Variants in NFIC observed in about 807,000 individuals in gnomAD.
NFIC encodes the protein nuclear factor 1 C-type.
Under a neutral mutation model 54.4 loss-of-function variants are expected in NFIC, and 12 were observed. That is an observed-to-expected ratio of 0.22 (90% CI 0.14 to 0.36). NFIC has a LOEUF of 0.36. NFIC is among the 10% of genes least tolerant of loss of function. The probability of loss-of-function intolerance (pLI) is 1.00; values close to 1 mark genes in which losing one functional copy is unlikely to be tolerated. For synonymous variants in NFIC, 322 were observed against 319.2 expected, an observed-to-expected ratio of 1.01 and a Z score of -0.09; for missense variants, 575 against 718.2, an observed-to-expected ratio of 0.80 and a Z score of 2.28.
In NFIC at chr19:3,452,432, C is replaced by G; in HGVS notation, c.1085-50C>G. The G allele has an allele frequency of 6.3e-7, 1 of 1,596,714 alleles. No homozygotes were observed. Among genetic ancestry groups the G allele is most frequent in the Non-Finnish European group, 8.5e-7 (1 of 1,173,142 alleles). ...GACACACAGTCACACGGTCACAGAG[C>G]AGACCGGCTGGAGCCCCCAAGTAAC... On this transcript the variant is annotated intron_variant, in intron 7 of 10. Transcript: ENST00000443272. This position sits in a 1 kb window ranked among gnomAD's most constrained non-coding sequence, Gnocchi z 5.3.
intron 3 of NFIC, among the ~76,000 whole-genome samples, chr19:3,426,386 G>A (rs961332557): frequency 4.6e-5 from 7 of 152,048 alleles, no homozygotes; most frequent in African/African-American, 1.4e-4. Flanking sequence ...GCCCTCATGG[G>A]GCGTCTAATA....
At chr19:3,432,922 G>C (rs748572217) in intron 3 of NFIC, among the ~76,000 whole-genome samples, 1 of 151,850 alleles carries the variant, frequency 6.6e-6, no homozygotes, top group African/African-American at 2.4e-5. Context: ...CTCCCGCCTC[G>C]GCCTCCCAAA....
intron 6 of NFIC, 88 bp from the exon 7 acceptor site, chr19:3,448,926 C>A: frequency 6.6e-7 from 1 of 1,513,626 alleles, no homozygotes; most frequent in Non-Finnish European, 8.9e-7. Flanking sequence ...ATGAGGCTTC[C>A]TATCCCTTCG....
At chr19:3,410,257 A>G (rs2081733401) in intron 2 of NFIC, among the ~76,000 whole-genome samples, 1 of 152,166 alleles carries the variant, frequency 6.6e-6, no homozygotes, top group African/African-American at 2.4e-5. Context: ...AGCTAGGAGA[A>G]CAACAATTTG....
At chr19:3,394,534 G>A (rs1296979547) in intron 2 of NFIC, among the ~76,000 whole-genome samples, 3 of 19,052 alleles carry the variant, frequency 1.6e-4, no homozygotes, top group Non-Finnish European at 2.1e-4. Context: ...CCCCCCACCC[G>A]CTTACACTAA....
chr19:3,404,740 G>A (rs1380812512), intron 2 of NFIC, among the ~76,000 whole-genome samples: 1 of 152,208 alleles, frequency 6.6e-6, no homozygotes, highest in Non-Finnish European at 1.5e-5. Context: ...CCAGAGGGAT[G>A]ATGTCATGGG....
chr19:3,444,243 T>C (rs2082337187), intron 6 of NFIC, among the ~76,000 whole-genome samples: 1 of 151,818 alleles, frequency 6.6e-6, no homozygotes, highest in Non-Finnish European at 1.5e-5. Flanking sequence ...GGGCCTTTTG[T>C]CAAATACAGA....
chr19:3,434,505 A>G, intron 5 of NFIC, 105 bp downstream of exon 5: 2 of 1,433,914 alleles, frequency 1.4e-6, no homozygotes, highest in Non-Finnish European at 1.8e-6. Flanking sequence ...ACCTCTTTTC[A>G]CGATTCACCT....
intron 3 of NFIC, among the ~76,000 whole-genome samples, chr19:3,428,505 G>A (rs983728729): frequency 2.0e-5 from 3 of 151,730 alleles, no homozygotes; most frequent in South Asian, 2.1e-4. Flanking sequence ...TGGGTGAGGC[G>A]TCCTTCTTGG....
chr19:3,425,749 C>T (rs1268934680), intron 3 of NFIC, among the ~76,000 whole-genome samples: 2 of 150,974 alleles, frequency 1.3e-5, no homozygotes. Flanking sequence ...CATGAGCCAC[C>T]GTGCCCGGCC....
chr19:3,380,061 C>T (rs1245054006), intron 1 of NFIC, among the ~76,000 whole-genome samples: 8 of 151,706 alleles, frequency 5.3e-5, no homozygotes, highest in African/African-American at 1.5e-4. Context: ...AGTGCAGTGG[C>T]GCAATCTCGG....
At chr19:3,405,620 A>T (rs1404849710) in intron 2 of NFIC, among the ~76,000 whole-genome samples, 1 of 151,800 alleles carries the variant, frequency 6.6e-6, no homozygotes, top group Non-Finnish European at 1.5e-5. Flanking sequence ...TATTTTTGAG[A>T]TGGAGTTTCA....
At position 3,369,262 on chromosome 19, in the gene NFIC, A is replaced by ATGTC. The variant is rs370058617; in HGVS notation, c.30+2606_30+2609dup. Among the ~76,000 whole-genome samples, 1 of 146,942 alleles carries ATGTC rather than the reference A, an allele frequency of 6.8e-6. No individual in the cohort carries two copies. On this transcript the variant is annotated intron_variant, in intron 1 of 10. Coordinates refer to ENST00000443272, the MANE Select transcript of NFIC (RefSeq NM_001245002.2). The surrounding 1 kb of genome is among the most constrained non-coding windows in gnomAD (Gnocchi z 4.3). ...CTCTCTGTCTCTGTTTCTCTCCAAT[A>ATGTC]TGTCTGTCTGTCTCTTCATCTCTGT...
chr19:3,371,881 C>CTCCT (rs758286013), intron 1 of NFIC, among the ~76,000 whole-genome samples: 8,692 of 99,186 alleles, frequency 0.088, 586 homozygotes, highest in African/African-American at 0.1. Context: ...TTCTTTCTCT[C>CTCCT]TCCTTCCTTC....
chr19:3,411,926 G>T (rs944687298), intron 2 of NFIC, among the ~76,000 whole-genome samples: 2 of 152,216 alleles, frequency 1.3e-5, no homozygotes, highest in African/African-American at 4.8e-5. Flanking sequence ...ATGCACGGCT[G>T]TTGTACATCA....
intron 6 of NFIC, among the ~76,000 whole-genome samples, chr19:3,445,275 C>T (rs2082358805): frequency 6.6e-6 from 1 of 152,234 alleles, no homozygotes; most frequent in Middle Eastern, 3.2e-3. Flanking sequence ...CTCCCCGGCT[C>T]CAGGCCACCC....
At chr19:3,379,804 C>T (rs2081171544) in intron 1 of NFIC, among the ~76,000 whole-genome samples, 1 of 151,568 alleles carries the variant, frequency 6.6e-6, no homozygotes, top group South Asian at 2.1e-4. Context: ...ATCTTCCCAC[C>T]TCAGCCTCCC....
At chr19:3,454,188 C>G (rs1403723505) in intron 9 of NFIC, 1 of 1,244,892 alleles carries the variant, frequency 8.0e-7, no homozygotes, top group African/African-American at 1.6e-5. Flanking sequence ...CGGTGCCCGC[C>G]GTGGGCCGTC....
chr19:3,400,599 G>C (rs1428228044), intron 2 of NFIC, among the ~76,000 whole-genome samples: 4 of 152,184 alleles, frequency 2.6e-5, no homozygotes, highest in Admixed American at 2.0e-4. Context: ...CCAGCACTGT[G>C]GGGGGCCGAG....
Sources: allele counts gnomAD v4.1 joint callset (sites outside exome capture counted in the v4.1 genomes callset), GRCh38; gene constraint gnomAD v4.1.1; non-coding constraint Gnocchi (gnomAD v3.1); transcripts MANE v1.5; gene names NCBI Gene and HGNC (gene_info 2026-07-23, HGNC 2026-07-21).